Variants in KMT5C observed in about 807,000 individuals in gnomAD.
KMT5C encodes the protein histone-lysine N-methyltransferase KMT5C.
Under a neutral mutation model 38.2 loss-of-function variants are expected in KMT5C, and 16 were observed. That is an observed-to-expected ratio of 0.42 (90% confidence interval 0.28 to 0.64). The LOEUF (loss-of-function observed/expected upper bound fraction) is 0.64, where lower values mean the gene tolerates loss of function less well. KMT5C is among the 30% of genes least tolerant of loss of function. KMT5C has a pLI of 0.23. For synonymous variants in KMT5C, 291 were observed against 279.0 expected (o/e 1.04, Z -0.43); for missense variants, 598 against 665.1 (o/e 0.90, Z 1.11).
chr19:55,341,113 T>G (rs955541457), intron 1 of KMT5C, among the ~76,000 whole-genome samples: 3 of 152,214 alleles, frequency 2.0e-5, no homozygotes, highest in African/African-American at 7.2e-5. Context: ...GGTGGTTTTC[T>G]TCATCTCTCC....
chr19:55,342,204 C>T lies in KMT5C; in HGVS notation c.111-11C>T. On this transcript the variant is annotated splice_polypyrimidine_tract_variant and intron_variant, in intron 2 of 8. Transcript: ENST00000255613. ...GAAGGCCCTGGGACCCAGGCATGCC[C>T]TCTCCCCCAGCCCTGTGCCCCCCCT... is the stretch of plus-strand genomic sequence containing the variant. 2 of 1,607,574 alleles carry T rather than the reference C, an allele frequency of 1.2e-6. No individual in the cohort carries two copies. The highest frequency in any genetic ancestry group is 8.5e-7 in the Non-Finnish European group (1 of 1,177,798).
Position 55,346,668 on chromosome 19 carries a change from G to A in KMT5C, c.876G>A (p.Leu292=), listed in dbSNP as rs745927892. The change falls in exon 8 of 9, where the codon CTG becomes CTA. Residue 292 remains leucine, a synonymous_variant. Coordinates refer to ENST00000255613, the MANE Select transcript of KMT5C (RefSeq NM_032701.4). The part of the protein sequence containing the change: ...GPRACVHPSP[L]RRDPFCAACQ... ...GGGCCTGCGTGCACCCATCCCCGCTGCGCCGGGACCCATTCTGCGGTGAGC... is the reference window on the plus strand; with the variant it reads ...GGGCCTGCGTGCACCCATCCCCGCTACGCCGGGACCCATTCTGCGGTGAGC... The A allele has an allele frequency of 1.9e-6, 3 of 1,570,604 alleles. No individual in the cohort carries two copies. Among genetic ancestry groups the A allele is most frequent in the East Asian group, 2.3e-5 (1 of 42,912 alleles).
At position 55,346,044 on chromosome 19, in the gene KMT5C, G is replaced by A. The variant is rs571029618; in HGVS notation, c.571-169G>A. The A allele has an allele frequency of 3.5e-5, 25 of 710,518 alleles. No homozygotes were observed. The Admixed American group carries it at 5.5e-4, about 16-fold the overall frequency. 44.0% of individuals were successfully genotyped at this position (710,518 alleles called of 1,614,324 possible). ...GGATTGTCCAGGGGCTACAGGCAAA[G>A]GACAGGCCCTCGGCAAGGCAGCCGC... is the stretch of plus-strand genomic sequence containing the variant. On this transcript the variant is annotated intron_variant, in intron 6 of 8. Transcript: ENST00000255613.
chr19:55,342,102 ACCGCTG>A lies in KMT5C; in HGVS notation c.110+61_110+66del, dbSNP rs1047265223. 2.5e-6 allele frequency: 4 copies of A among 1,572,496 alleles called. No individual in the cohort carries two copies. In the Admixed American group the frequency reaches 6.7e-5, roughly 26 times the overall value. On this transcript the variant is annotated intron_variant, in intron 2 of 8. Transcript: ENST00000255613. ...GAGGGGTCAGGACCCCTCCCCTTGC[ACCGCTG>A]CCGCCCCTCGGCCCTCTCCTTAGCC...
intron 6 of KMT5C, chr19:55,344,773 G>T (rs1569021090): frequency 1.9e-6 from 1 of 528,220 alleles, no homozygotes; most frequent in Admixed American, 2.0e-5. Context: ...GAAGCAGAAG[G>T]AATCAGGAGG....
intron 6 of KMT5C, chr19:55,344,550 T>C: frequency 2.6e-6 from 1 of 377,404 alleles, no homozygotes; most frequent in Non-Finnish European, 5.5e-6. Context: ...GCTGGCCATC[T>C]TTCTTCTCTG....
In KMT5C at chr19:55,347,007, C is replaced by T; in HGVS notation, c.947C>T (p.Ser316Leu). ...GCCTGCAGCGCCCGCCCAGACACCT[C>T]ACCCCTCTGGCTCCAGTGGCTGCCT... ...LPACSARPDT[S>L]PLWLQWLPQP... Residue 316 changes from serine to leucine, a missense_variant, in exon 9 of 9, where the codon TCA becomes TTA. By Grantham distance (145) the Ser-to-Leu change is moderately radical. Around this residue, in one of 3 missense-constraint regions of KMT5C, gnomAD observed 326 missense variants for 298.1 expected, o/e 1.09. Transcript: ENST00000255613. This position sits in a 1 kb window ranked among gnomAD's most constrained non-coding sequence, Gnocchi z 4.6. 1.5e-6 allele frequency: 2 copies of T among 1,352,436 alleles called. No homozygotes were observed. The highest frequency in any genetic ancestry group is 2.1e-6 in the Non-Finnish European group (2 of 957,026). 83.8% of individuals were successfully genotyped at this position (1,352,436 alleles called of 1,614,324 possible). A position where few individuals can be genotyped will look rare whatever the true frequency, so the allele number is the denominator to read the frequency against.
rs1373865094 is a variant in KMT5C at position 55,343,292 on chromosome 19, C to A, written c.387-388C>A. 6.2e-6 allele frequency: 2 copies of A among 322,234 alleles called. No individual in the cohort carries two copies. The highest frequency in any genetic ancestry group is 1.2e-5 in the Non-Finnish European group (2 of 169,164). 20.0% of individuals were successfully genotyped at this position (322,234 alleles called of 1,614,324 possible). A position where few individuals can be genotyped will look rare whatever the true frequency, so the allele number is the denominator to read the frequency against. On this transcript the variant is annotated intron_variant, in intron 4 of 8. Transcript: ENST00000255613. The surrounding 1 kb of genome is among the most constrained non-coding windows in gnomAD (Gnocchi z 5.5). ...CTGCAGGGGAGCTGTGAGGAATGAG[C>A]AAGTGCTCCCAGGGCGAGGCTCACA...
intron 6 of KMT5C, among the ~76,000 whole-genome samples, chr19:55,345,866 G>A (rs1397865999): frequency 6.6e-6 from 1 of 152,222 alleles, no homozygotes; most frequent in African/African-American, 2.4e-5. Context: ...GGCAGCTCAG[G>A]AGGGGATGGG....
chr19:55,345,101 G>C (rs989231513), intron 6 of KMT5C: 9 of 455,660 alleles, frequency 2.0e-5, no homozygotes, highest in African/African-American at 1.8e-4. Flanking sequence ...GGGCCAGTGT[G>C]CTCCAGCCAC....
chr19:55,347,641 T>C lies in KMT5C; in HGVS notation c.*192T>C. 1 of 911,752 alleles carries C rather than the reference T, an allele frequency of 1.1e-6. No homozygotes were observed. The highest frequency in any genetic ancestry group is 1.5e-6 in the Non-Finnish European group (1 of 657,488). 56.5% of individuals were successfully genotyped at this position (911,752 alleles called of 1,614,324 possible). On this transcript the variant is annotated 3_prime_UTR_variant, in exon 9 of 9. Coordinates refer to ENST00000255613, the MANE Select transcript of KMT5C (RefSeq NM_032701.4). This position sits in a 1 kb window ranked among gnomAD's most constrained non-coding sequence, Gnocchi z 4.6. ...CTGACCCTTTGTGACTGCTGACCCC[T>C]GAGCCACCCCCACTCCCACAGGGAG...
At chr19:55,344,961 C>T (rs1346170268) in intron 6 of KMT5C, 1 of 464,938 alleles carries the variant, frequency 2.2e-6, no homozygotes, top group South Asian at 1.5e-5. Context: ...TGGTGAGGAT[C>T]TCTGGAACTC....
In KMT5C at chr19:55,343,657, C is replaced by T. The variant is rs1309083582; in HGVS notation, c.387-23C>T. On this transcript the variant is annotated intron_variant, in intron 4 of 8. Transcript: ENST00000255613. The surrounding 1 kb of genome is among the most constrained non-coding windows in gnomAD (Gnocchi z 5.5). Reference sequence around the variant, plus strand: ...CAGGAGGCCAGGCATCGCCCACAGCCCTGCCCCCTGGCCTCTTGGCAGGAA... The same window carrying T: ...CAGGAGGCCAGGCATCGCCCACAGCTCTGCCCCCTGGCCTCTTGGCAGGAA... 6.5e-7 allele frequency: 1 copy of T among 1,550,158 alleles called. No homozygotes were observed. The highest frequency in any genetic ancestry group is 2.0e-5 in the Admixed American group (1 of 50,990).
At position 55,347,682 on chromosome 19, in the gene KMT5C, G is replaced by A; in HGVS notation, c.*233G>A. 1 of 605,312 alleles carries A rather than the reference G, an allele frequency of 1.7e-6. No individual in the cohort carries two copies. Among genetic ancestry groups the A allele is most frequent in the Non-Finnish European group, 2.6e-6 (1 of 382,166 alleles). The allele number at this position is 605,312 out of a possible 1,614,324, so 37.5% of individuals were successfully genotyped here. A position where few individuals can be genotyped will look rare whatever the true frequency, so the allele number is the denominator to read the frequency against. ...CCACAGGGAGCCCCGGCCATTTGCT[G>A]CCCTCCCCACCCCTGCCCCAGCCTC... On this transcript the variant is annotated 3_prime_UTR_variant, in exon 9 of 9. Coordinates refer to ENST00000255613, the MANE Select transcript of KMT5C (RefSeq NM_032701.4). This position sits in a 1 kb window ranked among gnomAD's most constrained non-coding sequence, Gnocchi z 4.6.
chr19:55,346,023 T>G, intron 6 of KMT5C, 190 bp from the exon 7 acceptor site: 1 of 629,664 alleles, frequency 1.6e-6, no homozygotes, highest in Non-Finnish European at 2.8e-6. Flanking sequence ...GTGGGTGGAT[T>G]GTCCAGGGGC....
rs773776909 is a variant in KMT5C, at chr19:55,342,223, C to A, written c.119C>A (p.Pro40His). 9.3e-6 allele frequency: 15 copies of A among 1,609,588 alleles called. No individual in the cohort carries two copies. Among genetic ancestry groups the A allele is most frequent in the African/African-American group, 1.3e-5 (1 of 74,878 alleles). ...CATGCCCTCTCCCCCAGCCCTGTGC[C>A]CCCCCTGCGGCGACAGCAGCACCTG... ...RTHKMNVSPV[P>H]PLRRQQHLRS... Residue 40 changes from proline (P) to histidine (H), a missense_variant, in exon 3 of 9, where the codon CCC becomes CAC. By Grantham distance (77) the Pro-to-His change is moderately conservative. Coordinates refer to ENST00000255613, the MANE Select transcript of KMT5C (RefSeq NM_032701.4).
chr19:55,343,764 GA>G lies in KMT5C; in HGVS notation c.473del (p.Asn158MetfsTer44). The G allele has an allele frequency of 6.2e-7, 1 of 1,609,166 alleles. No individual in the cohort carries two copies. Among genetic ancestry groups the G allele is most frequent in the African/African-American group, 1.3e-5 (1 of 74,950 alleles). On this transcript the variant is annotated frameshift_variant, in exon 5 of 9. Transcript: ENST00000255613. LOFTEE classifies it high-confidence loss of function. This position sits in a 1 kb window ranked among gnomAD's most constrained non-coding sequence, Gnocchi z 5.5. Reference sequence around the variant, plus strand: ...ATGAGGGGCTGCTGAGGGCCGGTGAGAATGACTTCAGCATCATGTACTCAAC... The same window carrying G: ...ATGAGGGGCTGCTGAGGGCCGGTGAGATGACTTCAGCATCATGTACTCAAC... ...ADEGLLRAGE[N>X]DFSIMYSTRK...
At position 55,343,644 on chromosome 19, in the gene KMT5C, C is replaced by T; in HGVS notation, c.387-36C>T. The T allele has an allele frequency of 6.5e-7, 1 of 1,546,554 alleles. No homozygotes were observed. Among genetic ancestry groups the T allele is most frequent in the Non-Finnish European group, 8.7e-7 (1 of 1,144,492 alleles). On this transcript the variant is annotated intron_variant, in intron 4 of 8. Transcript: ENST00000255613. This position sits in a 1 kb window ranked among gnomAD's most constrained non-coding sequence, Gnocchi z 5.5. ...CCCTGAACACCTGCAGGAGGCCAGG[C>T]ATCGCCCACAGCCCTGCCCCCTGGC...
chr19:55,347,077 G>T lies in KMT5C; in HGVS notation c.1017G>T (p.Arg339=). The T allele has an allele frequency of 1.9e-6, 3 of 1,572,108 alleles. No homozygotes were observed. The highest frequency in any genetic ancestry group is 2.6e-6 in the Non-Finnish European group (3 of 1,166,570). The change falls in exon 9 of 9, where the codon CGG becomes CGT. Residue 339 remains arginine, a synonymous_variant. Transcript: ENST00000255613. The surrounding 1 kb of genome is among the most constrained non-coding windows in gnomAD (Gnocchi z 4.6). ...RVRPRKRRRP[R]PRRAPVLSTH... Reference sequence around the variant, plus strand: ...GGCCCCGGAAGCGCCGACGCCCCCGGCCCCGGAGGGCCCCAGTGCTCTCCA... The same window carrying T: ...GGCCCCGGAAGCGCCGACGCCCCCGTCCCCGGAGGGCCCCAGTGCTCTCCA...
Sources: gnomAD v4.1 joint callset for allele counts (sites outside exome capture counted in the v4.1 genomes callset) on GRCh38, gnomAD v4.1.1 for gene constraint, gnomAD v4.1.1 regional missense constraint, Gnocchi (gnomAD v3.1) non-coding constraint, MANE v1.5 for transcripts, NCBI Gene and HGNC (gene_info 2026-07-23, HGNC 2026-07-21) for gene names.